Variants in WWOX observed in about 807,000 individuals in gnomAD.
WWOX encodes WW domain-containing oxidoreductase.
Under a neutral mutation model 46.2 loss-of-function variants are expected in WWOX, and 69 were observed. The observed-to-expected ratio is 1.49, with a 90% confidence interval of 1.23 to 1.82. The LOEUF (loss-of-function observed/expected upper bound fraction) is 1.82, where lower values mean the gene tolerates loss of function less well. Ranked by LOEUF, WWOX falls within the 40% of genes most tolerant of loss-of-function variation. The pLI is 0.00. For missense variants in WWOX, 919 were observed against 542.6 expected (o/e 1.69, Z -6.89); for synonymous variants, 359 against 202.6 (o/e 1.77, Z -6.56).
chr16:78,264,285 T>C (rs889767862), intron 5 of WWOX, among the ~76,000 whole-genome samples: 2 of 152,042 alleles, frequency 1.3e-5, no homozygotes, highest in Non-Finnish European at 2.9e-5. Context: ...TGTTGGGAGA[T>C]GAGTTAAGAG....
At chr16:78,752,486 C>G (rs918259430) in intron 8 of WWOX, among the ~76,000 whole-genome samples, 1 of 152,174 alleles carries the variant, frequency 6.6e-6, no homozygotes, top group Non-Finnish European at 1.5e-5. Context: ...CGGGATTTCG[C>G]CCTGTTGGCC....
intron 8 of WWOX, among the ~76,000 whole-genome samples, chr16:78,736,801 G>A (rs1385354153): frequency 2.0e-5 from 3 of 152,064 alleles, no homozygotes. Context: ...TAGACACTGA[G>A]TCTCACCGTC....
chr16:79,015,970 T>G (rs2047404430), intron 8 of WWOX, among the ~76,000 whole-genome samples: 2 of 152,180 alleles, frequency 1.3e-5, no homozygotes, highest in Admixed American at 1.3e-4. Flanking sequence ...AGGATGATCT[T>G]GATTTCTTGA....
At chr16:78,268,181 T>C (rs559168757) in intron 5 of WWOX, among the ~76,000 whole-genome samples, 6 of 152,330 alleles carry the variant, frequency 3.9e-5, no homozygotes, top group African/African-American at 1.4e-4. Context: ...CTGGAAGTAC[T>C]TCACAAAGGC....
At chr16:78,691,902 A>C (rs1311814128) in intron 8 of WWOX, among the ~76,000 whole-genome samples, 2 of 152,176 alleles carry the variant, frequency 1.3e-5, no homozygotes, top group Admixed American at 1.3e-4. Context: ...TAATTGAATC[A>C]TGGGGCCCAG....
chr16:79,192,300 G>C (rs1024894476), intron 8 of WWOX, among the ~76,000 whole-genome samples: 2 of 151,114 alleles, frequency 1.3e-5, no homozygotes, highest in Admixed American at 6.6e-5. Context: ...TTTTCGCAGT[G>C]ATTCATTCAT....
intron 5 of WWOX, among the ~76,000 whole-genome samples, chr16:78,373,790 T>A: frequency 6.6e-6 from 1 of 152,202 alleles, no homozygotes; most frequent in Admixed American, 6.5e-5. Context: ...TTTCTGAGCA[T>A]ATATATGTAT....
At chr16:78,387,721 G>C (rs2082090444) in intron 6 of WWOX, among the ~76,000 whole-genome samples, 1 of 151,996 alleles carries the variant, frequency 6.6e-6, no homozygotes, top group Non-Finnish European at 1.5e-5. Context: ...ATTTAGGGCA[G>C]GCAATCCTGG....
chr16:79,181,032 G>C (rs745634110), intron 8 of WWOX, among the ~76,000 whole-genome samples: 1 of 152,078 alleles, frequency 6.6e-6, no homozygotes, highest in Non-Finnish European at 1.5e-5. Flanking sequence ...GTTAATACAT[G>C]CTCATTTAAA....
chr16:78,429,423 G>C (rs1218133336), intron 7 of WWOX, among the ~76,000 whole-genome samples: 1 of 152,146 alleles, frequency 6.6e-6, no homozygotes, highest in African/African-American at 2.4e-5. Flanking sequence ...AAATCACCAT[G>C]ATATCCAGCT....
chr16:79,115,801 C>G (rs1163815927), intron 8 of WWOX, among the ~76,000 whole-genome samples: 2 of 152,108 alleles, frequency 1.3e-5, no homozygotes. Flanking sequence ...CCTTAAAGTC[C>G]TGAAGGAAAC....
chr16:78,194,885 T>G (rs1186901221), intron 5 of WWOX, among the ~76,000 whole-genome samples: 1 of 152,212 alleles, frequency 6.6e-6, no homozygotes, highest in Non-Finnish European at 1.5e-5. Flanking sequence ...ACGTGTTCCA[T>G]TTCTTGTTTC....
intron 8 of WWOX, among the ~76,000 whole-genome samples, chr16:78,573,116 T>G (rs142374999): frequency 0.011 from 1,682 of 151,834 alleles, 29 homozygotes; most frequent in Middle Eastern, 0.048. Flanking sequence ...AAACCCCGTC[T>G]GTACCAAAAA....
At chr16:78,879,563 A>G (rs1428483521) in intron 8 of WWOX, among the ~76,000 whole-genome samples, 2 of 152,074 alleles carry the variant, frequency 1.3e-5, no homozygotes, top group African/African-American at 2.4e-5. Context: ...TCCATCCAAG[A>G]GGCAACATTG....
At chr16:78,515,043 A>G (rs1279463988) in intron 8 of WWOX, among the ~76,000 whole-genome samples, 1 of 152,086 alleles carries the variant, frequency 6.6e-6, no homozygotes, top group Non-Finnish European at 1.5e-5. Flanking sequence ...AGTGTGGCAA[A>G]ACCCCACCTC....
At chr16:78,595,941 C>G (rs1240520790) in intron 8 of WWOX, among the ~76,000 whole-genome samples, 1 of 152,042 alleles carries the variant, frequency 6.6e-6, no homozygotes, top group Non-Finnish European at 1.5e-5. Flanking sequence ...AAAAAGAAAC[C>G]TGAACTCAGG....
chr16:79,009,878 T>G (rs976330361), intron 8 of WWOX, among the ~76,000 whole-genome samples: 2 of 152,056 alleles, frequency 1.3e-5, no homozygotes, highest in African/African-American at 4.8e-5. Flanking sequence ...TTGGAGAGAG[T>G]GAGTCCTGAC....
At chr16:78,742,123 C>T (rs2049243221) in intron 8 of WWOX, among the ~76,000 whole-genome samples, 1 of 152,174 alleles carries the variant, frequency 6.6e-6, no homozygotes, top group Non-Finnish European at 1.5e-5. Flanking sequence ...TATCTCAACC[C>T]ATTTAAATGT....
intron 8 of WWOX, among the ~76,000 whole-genome samples, chr16:78,833,526 C>A (rs912199238): frequency 6.6e-6 from 1 of 152,168 alleles, no homozygotes; most frequent in African/African-American, 2.4e-5. Flanking sequence ...CTACAACGTG[C>A]AGTGAGGACA....
Sources: allele counts gnomAD v4.1 joint callset (sites outside exome capture counted in the v4.1 genomes callset), GRCh38; gene constraint gnomAD v4.1.1; transcripts MANE v1.5; gene names NCBI Gene and HGNC (gene_info 2026-07-23, HGNC 2026-07-21).